NBEAL1: variants seen among roughly 807,000 people sequenced by gnomAD.
NBEAL1 encodes the protein neurobeachin like 1.
In NBEAL1, 273 loss-of-function variants were observed where a neutral mutation model predicts 351.3. That is an observed-to-expected ratio of 0.78 (90% CI 0.70 to 0.86). NBEAL1 has a LOEUF of 0.86. Among genes scored for constraint, NBEAL1 ranks in the 40% least tolerant of loss-of-function variants. The pLI is 0.00. For synonymous variants in NBEAL1, 1,050 were observed against 1,086.4 expected, an observed-to-expected ratio of 0.97 and a Z score of 0.66; for missense variants, 2,961 against 3,201.3, an observed-to-expected ratio of 0.92 and a Z score of 1.81.
At chr2:203,180,621 C>G in intron 43 of NBEAL1, 109 bp downstream of exon 43, 1 of 1,034,880 alleles carries the variant, frequency 9.7e-7, no homozygotes, top group Non-Finnish European at 1.3e-6. Context: ...AAGATTCATT[C>G]TGTCTGTGGA....
intron 17 of NBEAL1, among the ~76,000 whole-genome samples, chr2:203,114,844 T>G (rs2062654132): frequency 8.7e-6 from 1 of 115,044 alleles, no homozygotes; most frequent in Non-Finnish European, 2.2e-5. Context: ...CTCTGTCTCC[T>G]GGGTTCAAGT....
Position 203,038,541 on chromosome 2 carries a change from C to T in NBEAL1, c.52-3224C>T, listed in dbSNP as rs1300468910. Among the ~76,000 whole-genome samples, 6 of 148,824 alleles carry T rather than the reference C, an allele frequency of 4.0e-5. 2 individuals are homozygous for T. Among genetic ancestry groups the T allele is most frequent in the South Asian group, 2.1e-4 (1 of 4,756 alleles). ...CCAAGCTTTTTGCCCATTTTTAAAT[C>T]GAATTGTCTTTTTGTTATTGATTTG... On this transcript the variant is annotated intron_variant, in intron 2 of 55. Transcript: ENST00000683969.
intron 4 of NBEAL1, among the ~76,000 whole-genome samples, chr2:203,052,865 C>G (rs1321844632): frequency 6.6e-6 from 1 of 152,000 alleles, no homozygotes; most frequent in Non-Finnish European, 1.5e-5. Flanking sequence ...GGACTATAGG[C>G]ATGAACCACC....
chr2:203,047,251 A>C (rs2061244278), intron 3 of NBEAL1, among the ~76,000 whole-genome samples: 1 of 152,030 alleles, frequency 6.6e-6, no homozygotes, highest in African/African-American at 2.4e-5. Flanking sequence ...AAAAAAAAAA[A>C]CAAACACATA....
chr2:203,039,961 G>A (rs776057298), intron 2 of NBEAL1: 1 of 494,884 alleles, frequency 2.0e-6, no homozygotes, highest in Non-Finnish European at 3.6e-6. Flanking sequence ...AAAGGACCAT[G>A]GTGGAGGGAA....
intron 3 of NBEAL1, among the ~76,000 whole-genome samples, chr2:203,047,731 ATTTC>A (rs562898618): frequency 5.9e-4 from 74 of 126,092 alleles, no homozygotes; most frequent in African/African-American, 2.0e-3. Context: ...ACAATTTTCT[ATTTC>A]TTTCTATTTT....
At chr2:203,137,753 G>A (rs57580898) in intron 29 of NBEAL1, among the ~76,000 whole-genome samples, 67 of 152,124 alleles carry the variant, frequency 4.4e-4, no homozygotes, top group African/African-American at 1.6e-3. Flanking sequence ...GGAGGCTAAG[G>A]CAGGTGGATC....
In NBEAL1 at chr2:203,029,334, A is replaced by G. The variant is rs140458345; in HGVS notation, c.52-12431A>G. 5.6e-4 allele frequency among the ~76,000 whole-genome samples: 86 copies of G among 152,322 alleles called. 1 individual carries two copies. Among genetic ancestry groups the G allele is most frequent in the East Asian group, 2.5e-3 (13 of 5,190 alleles). Reference sequence around the variant, plus strand: ...CCTGACCACCATGTGTGAAACTCCAAGATAAACACAGAATTCATGCAAGAG... The same window carrying G: ...CCTGACCACCATGTGTGAAACTCCAGGATAAACACAGAATTCATGCAAGAG... On this transcript the variant is annotated intron_variant, in intron 2 of 55. Transcript: ENST00000683969.
At chr2:203,046,921 T>C (rs2061237073) in intron 3 of NBEAL1, among the ~76,000 whole-genome samples, 1 of 152,194 alleles carries the variant, frequency 6.6e-6, no homozygotes, top group Non-Finnish European at 1.5e-5. Context: ...CTGCCTGTAA[T>C]GCCAGCACTT....
chr2:203,185,100 G>C (rs1475808291), intron 44 of NBEAL1, among the ~76,000 whole-genome samples: 1 of 152,172 alleles, frequency 6.6e-6, no homozygotes, highest in Non-Finnish European at 1.5e-5. Flanking sequence ...ATTAGTCCAA[G>C]GTTGAACAGG....
chr2:203,033,049 G>T (rs2060976833), intron 2 of NBEAL1, among the ~76,000 whole-genome samples: 1 of 151,622 alleles, frequency 6.6e-6, no homozygotes, highest in Admixed American at 6.6e-5. Context: ...CGCCCAGGCT[G>T]GAGTGCAGTG....
rs1472012573 is a variant in NBEAL1, at chr2:203,113,272, T to C, written c.2460T>C (p.Phe820=). 6.8e-7 allele frequency: 1 copy of C among 1,478,590 alleles called. No homozygotes were observed. The highest frequency in any genetic ancestry group is 1.4e-5 in the African/African-American group (1 of 71,288). 91.6% of individuals were successfully genotyped at this position (1,478,590 alleles called of 1,614,324 possible). The part of the protein sequence containing the change: ...LEGQLGSVII[F]YEPLQPPQVK... ...GTCAGCTAGGATCTGTTATCATCTT[T>C]TATGAACCACTACAACCTCCTCAGG... Residue 820 remains phenylalanine, a synonymous_variant, in exon 17 of 56, where the codon TTT becomes TTC. Transcript: ENST00000683969.
chr2:203,115,845 G>A, intron 17 of NBEAL1, 140 bp from the exon 18 acceptor site: 1 of 558,510 alleles, frequency 1.8e-6, no homozygotes, highest in East Asian at 3.0e-5. Context: ...TGGAAACAAA[G>A]TAAATTTTAG....
rs142200848 is a variant in NBEAL1, at chr2:203,108,655, G to A, written c.1949+467G>A. 1.3e-3 allele frequency among the ~76,000 whole-genome samples: 196 copies of A among 151,840 alleles called. 1 individual carries two copies. Among genetic ancestry groups the A allele is most frequent in the East Asian group, 0.01 (53 of 5,170 alleles). On this transcript the variant is annotated intron_variant, in intron 14 of 55. Coordinates refer to ENST00000683969, the MANE Select transcript of NBEAL1 (RefSeq NM_001378026.1). ...CCTGACCTCATGATCCACCCACCTC[G>A]GCCTCCCAAATTGCTGGGATTACAG... is the stretch of plus-strand genomic sequence containing the variant.
intron 31 of NBEAL1, among the ~76,000 whole-genome samples, chr2:203,142,054 C>G (rs1003903131): frequency 6.6e-6 from 1 of 152,198 alleles, no homozygotes; most frequent in Non-Finnish European, 1.5e-5. Context: ...GATTCCCATC[C>G]CTGGGCTGCA....
chr2:203,140,206 G>T (rs1436558741), intron 31 of NBEAL1, among the ~76,000 whole-genome samples: 1 of 151,844 alleles, frequency 6.6e-6, no homozygotes, highest in South Asian at 2.1e-4. Context: ...GGGGTGCTGA[G>T]GTAGGAGAAT....
Position 203,213,515 on chromosome 2 carries a change from T to C in NBEAL1, c.7935-3T>C. 1 of 1,606,306 alleles carries C rather than the reference T, an allele frequency of 6.2e-7. No individual in the cohort carries two copies. The highest frequency in any genetic ancestry group is 8.5e-7 in the Non-Finnish European group (1 of 1,176,950). ...ATGTCTGTATTTTTTATTTCTTTTC[T>C]AGCTTGAATCTCAGCATCAACCCAT... On this transcript the variant is annotated splice_region_variant and splice_polypyrimidine_tract_variant and intron_variant, in intron 54 of 55. Transcript: ENST00000683969.
chr2:203,078,606 C>T (rs1574939544), intron 8 of NBEAL1, among the ~76,000 whole-genome samples: 1 of 152,188 alleles, frequency 6.6e-6, no homozygotes, highest in African/African-American at 2.4e-5. Context: ...TCCCCAAGTA[C>T]TGGAATTACG....
At chr2:203,041,031 T>C (rs746428873) in intron 2 of NBEAL1, 1 of 227,946 alleles carries the variant, frequency 4.4e-6, no homozygotes, top group Non-Finnish European at 8.7e-6. Context: ...GGTTAAAATA[T>C]AGTGGCTTAT....
Sources: allele counts gnomAD v4.1 joint callset (sites outside exome capture counted in the v4.1 genomes callset), GRCh38; gene constraint gnomAD v4.1.1; transcripts MANE v1.5; gene names NCBI Gene and HGNC (gene_info 2026-07-23, HGNC 2026-07-21).